The following PRSS48 variants were observed in gnomAD, a reference collection of about 807,000 sequenced individuals.
PRSS48 encodes the protein serine protease 48.
In PRSS48, 21 loss-of-function variants were observed where a neutral mutation model predicts 25.6. That is an observed-to-expected ratio of 0.82 (90% CI 0.58 to 1.18). PRSS48 has a LOEUF of 1.18. Among genes scored for constraint, PRSS48 ranks in the 50% most tolerant of loss-of-function variants. The pLI is 0.00. For missense variants in PRSS48, 373 were observed against 399.3 expected, an observed-to-expected ratio of 0.93 and a Z score of 0.56; for synonymous variants, 150 against 149.3, an observed-to-expected ratio of 1.00 and a Z score of -0.04.
At position 151,283,044 on chromosome 4, in the gene PRSS48, C is replaced by T. The variant is rs890150623; in HGVS notation, c.482-73C>T. On this transcript the variant is annotated intron_variant, in intron 3 of 4. Coordinates refer to ENST00000455694, the Ensembl canonical transcript of PRSS48. ...TTGGATTCCCATTCAGAGACTTCTG[C>T]ACATCATGACTGAATGCTGCCCCTG... is the stretch of plus-strand genomic sequence containing the variant. 12 of 1,390,170 alleles carry T rather than the reference C, an allele frequency of 8.6e-6. No individual in the cohort carries two copies. The East Asian group carries it at 2.8e-4, about 32-fold the overall frequency. The allele number at this position is 1,390,170 out of a possible 1,614,324, so 86.1% of individuals were successfully genotyped here. A position where few individuals can be genotyped will look rare whatever the true frequency, so the allele number is the denominator to read the frequency against.
chr4:151,290,460 C>G (rs1243605991), intron 4 of PRSS48, among the ~76,000 whole-genome samples: 2 of 152,100 alleles, frequency 1.3e-5, no homozygotes, highest in Non-Finnish European at 2.9e-5. Context: ...TACATGATTC[C>G]ATTTATATGA....
intron 4 of PRSS48, among the ~76,000 whole-genome samples, chr4:151,287,137 T>C (rs1032072769): frequency 6.6e-6 from 1 of 151,420 alleles, no homozygotes; most frequent in Non-Finnish European, 1.5e-5. Flanking sequence ...TGTCAGGAGT[T>C]TGGGACCAGC....
At chr4:151,277,161 G>A, upstream of PRSS48, 4 of 1,442,546 alleles carry the variant, frequency 2.8e-6, no homozygotes, top group Non-Finnish European at 1.8e-6. Flanking sequence ...CACTGGCTCT[G>A]AGGACAGAGA....
chr4:151,281,465 T>TGG (rs1372572410), intron 2 of PRSS48, among the ~76,000 whole-genome samples: 3 of 151,424 alleles, frequency 2.0e-5, no homozygotes, highest in African/African-American at 7.3e-5. Flanking sequence ...AAGTGGGAGG[T>TGG]GGGGGGTAGA....
At chr4:151,278,453 GA>G (rs375077069) in intron 1 of PRSS48, among the ~76,000 whole-genome samples, 6 of 141,982 alleles carry the variant, frequency 4.2e-5, no homozygotes, top group Admixed American at 2.1e-4. Context: ...CCCAAAAGAA[GA>G]AAAAAAAAAC....
chr4:151,280,545 A>C (rs1774114656), intron 2 of PRSS48, among the ~76,000 whole-genome samples: 2 of 152,232 alleles, frequency 1.3e-5, no homozygotes, highest in Admixed American at 6.5e-5. Context: ...TAAGCCACTA[A>C]GCTTTATAAC....
At chr4:151,287,338 C>A in intron 4 of PRSS48, among the ~76,000 whole-genome samples, 1 of 55,276 alleles carries the variant, frequency 1.8e-5, no homozygotes, top group East Asian at 3.6e-4. Flanking sequence ...AAGACTCTGT[C>A]TCCAAAAAAA....
intron 4 of PRSS48, among the ~76,000 whole-genome samples, chr4:151,290,335 A>C (rs947293077): frequency 2.0e-5 from 3 of 152,232 alleles, no homozygotes; most frequent in Non-Finnish European, 4.4e-5. Flanking sequence ...CAAGTGGTAC[A>C]TCCATACAAT....
At chr4:151,286,202 A>C (rs1561432305) in intron 4 of PRSS48, among the ~76,000 whole-genome samples, 4 of 150,456 alleles carry the variant, frequency 2.7e-5, no homozygotes, top group South Asian at 2.1e-4. Flanking sequence ...AAAAAAAAAA[A>C]AACAACTAAA....
At chr4:151,287,520 C>A (rs539634814) in intron 4 of PRSS48, among the ~76,000 whole-genome samples, 5 of 151,988 alleles carry the variant, frequency 3.3e-5, no homozygotes, top group East Asian at 3.9e-4. Context: ...CTATATATAC[C>A]GGAATGCCGA....
At chr4:151,291,273 C>A (rs771475997) in exon 5 of PRSS48, 2 of 1,613,952 alleles carry the variant, frequency 1.2e-6, no homozygotes, top group Non-Finnish European at 8.5e-7. Flanking sequence ...TTTCAAGAGC[C>A]AACAATCTAG....
chr4:151,285,929 A>T (rs28760401), intron 4 of PRSS48, among the ~76,000 whole-genome samples: 66,113 of 151,422 alleles, frequency 0.44, 15,255 homozygotes, highest in Non-Finnish European at 0.52. Flanking sequence ...GTGTGATGGC[A>T]CATACCTGTA....
chr4:151,288,270 A>C (rs761877637), intron 4 of PRSS48, among the ~76,000 whole-genome samples: 3 of 152,240 alleles, frequency 2.0e-5, no homozygotes, highest in Non-Finnish European at 4.4e-5. Context: ...TGGAGGTTCT[A>C]GCCAGAATTA....
chr4:151,279,872 C>T (rs758108519), exon 2 of PRSS48: 2 of 1,613,814 alleles, frequency 1.2e-6, no homozygotes, highest in South Asian at 2.2e-5. Context: ...CTTGGCAGGT[C>T]AGCCTACACT....
chr4:151,290,569 T>G (rs1328022223), intron 4 of PRSS48, among the ~76,000 whole-genome samples: 1 of 152,180 alleles, frequency 6.6e-6, no homozygotes, highest in Non-Finnish European at 1.5e-5. Flanking sequence ...CAAATGGGTA[T>G]GAGGTTTCTT....
chr4:151,289,626 T>C (rs957489957), intron 4 of PRSS48, among the ~76,000 whole-genome samples: 3 of 152,152 alleles, frequency 2.0e-5, no homozygotes, highest in African/African-American at 2.4e-5. Flanking sequence ...TGTAGAGAAA[T>C]TGGAGCCTTC....
At chr4:151,285,621 T>C (rs1413315959) in intron 4 of PRSS48, among the ~76,000 whole-genome samples, 2 of 152,112 alleles carry the variant, frequency 1.3e-5, no homozygotes, top group Non-Finnish European at 2.9e-5. Context: ...ATATCTCAAA[T>C]CAGTAACCTA....
At chr4:151,278,762 C>T (rs1360943315) in intron 1 of PRSS48, among the ~76,000 whole-genome samples, 1 of 152,212 alleles carries the variant, frequency 6.6e-6, no homozygotes, top group Non-Finnish European at 1.5e-5. Flanking sequence ...TCCCAAGTAG[C>T]TGGGACTACA....
In PRSS48 at chr4:151,278,822, G is replaced by A. The variant is rs551624835; in HGVS notation, c.53-974G>A. ...ATTTCTTTATATTTTTTGTAGAGAC[G>A]GTGTTTGGCCATGTTGCCCAGGCTG... is the stretch of plus-strand genomic sequence containing the variant. On this transcript the variant is annotated intron_variant, in intron 1 of 4. Transcript: ENST00000455694. Among the ~76,000 whole-genome samples the A allele has an allele frequency of 2.6e-5, 4 of 152,162 alleles. No homozygotes were observed. In the East Asian group the frequency reaches 5.8e-4, roughly 22 times the overall value.
Sources: gnomAD v4.1 joint callset for allele counts (sites outside exome capture counted in the v4.1 genomes callset) on GRCh38, gnomAD v4.1.1 for gene constraint, MANE v1.5 for transcripts, NCBI Gene and HGNC (gene_info 2026-07-23, HGNC 2026-07-21) for gene names.